Variants in SIN3A observed in about 807,000 individuals in gnomAD.
The protein encoded by SIN3A is SIN3 transcription regulator family member A, also known as paired amphipathic helix protein Sin3a.
A neutral mutation model predicts 146.1 loss-of-function variants in SIN3A; 14 were observed. That is an observed-to-expected ratio of 0.10 (90% CI 0.06 to 0.15). The LOEUF is 0.15. SIN3A is among the 10% of genes least tolerant of loss of function. The pLI is 1.00. For synonymous variants in SIN3A, 572 were observed against 572.0 expected (o/e 1.00, Z 0.00); for missense variants, 1,028 against 1,576.0 (o/e 0.65, Z 5.89).
chr15:75,438,388 A>C (rs1035137332), intron 1 of SIN3A, among the ~76,000 whole-genome samples: 2 of 151,958 alleles, frequency 1.3e-5, no homozygotes, highest in African/African-American at 4.8e-5. Flanking sequence ...CAAACAAAAA[A>C]AAAACGGGTG....
At chr15:75,430,023 T>G (rs1324937771) in intron 2 of SIN3A, 164 bp downstream of exon 2, 1 of 613,972 alleles carries the variant, frequency 1.6e-6, no homozygotes, top group African/African-American at 1.9e-5. Context: ...GACAACATTC[T>G]TTTTTTAAAA....
At chr15:75,429,214 A>G (rs189696667) in intron 2 of SIN3A, among the ~76,000 whole-genome samples, 1 of 152,150 alleles carries the variant, frequency 6.6e-6, no homozygotes, top group Admixed American at 6.5e-5. Flanking sequence ...TTGGGCCAAG[A>G]GTTTAGGACC....
Position 75,414,245 on chromosome 15 carries a change from TG to T in SIN3A, c.432del (p.Tyr144Ter). The T allele has an allele frequency of 6.4e-7, 1 of 1,551,742 alleles. No individual in the cohort carries two copies. The highest frequency in any genetic ancestry group is 8.8e-7 in the Non-Finnish European group (1 of 1,140,692). ...KLQFGSQPQVYNDFLDIMKEF... is the reference protein window; with the variant it reads ...KLQFGSQPQVXNDFLDIMKEF... ...TCCTTCATGATGTCAAGGAAATCAT[TG>T]TAGACCTGAGGCTGACTACCAAACT... is the stretch of plus-strand genomic sequence containing the variant. On this transcript the variant is annotated frameshift_variant, in exon 4 of 21. Transcript: ENST00000394947. LOFTEE classifies it high-confidence loss of function.
rs1329732839 is a variant in SIN3A, at chr15:75,370,170, C to G, written c.*1809G>C. The G allele has an allele frequency of 2.6e-5, 4 of 152,416 alleles. No homozygotes were observed. Among genetic ancestry groups the G allele is most frequent in the Non-Finnish European group, 5.9e-5 (4 of 68,080 alleles). 9.4% of individuals were successfully genotyped at this position (152,416 alleles called of 1,614,324 possible). ...GGAGGACTGCTTGAGCCTGGGAGGT[C>G]AAGCCTGCAGTGAGCTATGATCGTG... On this transcript the variant is annotated 3_prime_UTR_variant, in exon 21 of 21. Transcript: ENST00000394947.
At chr15:75,376,216 A>G (rs879755313) in intron 19 of SIN3A, 1 of 291,602 alleles carries the variant, frequency 3.4e-6, no homozygotes, top group South Asian at 4.7e-5. Flanking sequence ...GGATCATACT[A>G]TATATTTTGT....
At chr15:75,390,906 A>G (rs1294678208) in intron 15 of SIN3A, among the ~76,000 whole-genome samples, 2 of 152,234 alleles carry the variant, frequency 1.3e-5, no homozygotes, top group Non-Finnish European at 2.9e-5. Flanking sequence ...AAAGTTGACT[A>G]AAATGAAAAA....
intron 1 of SIN3A, among the ~76,000 whole-genome samples, chr15:75,434,303 T>C (rs1272963340): frequency 3.9e-5 from 6 of 152,228 alleles, no homozygotes; most frequent in Admixed American, 3.3e-4. Context: ...AGTTGGTAGA[T>C]GATTTCAGCC....
Position 75,371,658 on chromosome 15 carries a change from G to A in SIN3A, c.*321C>T. ...TCCCTCATTGAAAGTTAGGCCACAG[G>A]AGACTCCAGTCTTAGCTCTGCTGGT... On this transcript the variant is annotated 3_prime_UTR_variant, in exon 21 of 21. Transcript: ENST00000394947. 3.4e-6 allele frequency: 1 copy of A among 297,200 alleles called. No individual in the cohort carries two copies. The highest frequency in any genetic ancestry group is 4.8e-5 in the Admixed American group (1 of 20,642). The allele number at this position is 297,200 out of a possible 1,614,324, so 18.4% of individuals were successfully genotyped here.
At chr15:75,432,743 A>C (rs1416575166) in intron 1 of SIN3A, among the ~76,000 whole-genome samples, 1 of 150,686 alleles carries the variant, frequency 6.6e-6, no homozygotes, top group African/African-American at 2.4e-5. Context: ...ACTGGGTTTA[A>C]AAAACAAAAA....
chr15:75,401,044 G>A, intron 10 of SIN3A, 104 bp from the exon 11 acceptor site: 1 of 758,620 alleles, frequency 1.3e-6, no homozygotes, highest in Middle Eastern at 3.7e-4. Flanking sequence ...CTGCTACCAG[G>A]GATGAATTAT....
At chr15:75,378,961 T>G (rs1191440550) in intron 19 of SIN3A, among the ~76,000 whole-genome samples, 1 of 151,740 alleles carries the variant, frequency 6.6e-6, no homozygotes, top group African/African-American at 2.4e-5. Flanking sequence ...AGTGCCGTGG[T>G]GCGATCTCCA....
At chr15:75,430,143 A>G in intron 2 of SIN3A, 44 bp downstream of exon 2, 1 of 1,507,494 alleles carries the variant, frequency 6.6e-7, no homozygotes, top group Non-Finnish European at 9.2e-7. Flanking sequence ...TAAAACCACT[A>G]TTTCTCTTCC....
At chr15:75,384,102 G>C (rs1844944735) in intron 17 of SIN3A, 162 bp downstream of exon 17, 1 of 461,072 alleles carries the variant, frequency 2.2e-6, no homozygotes. Flanking sequence ...AGATTGTCCA[G>C]GAAGACAATT....
intron 1 of SIN3A, among the ~76,000 whole-genome samples, chr15:75,434,156 T>C (rs1262330716): frequency 2.0e-5 from 3 of 152,206 alleles, no homozygotes; most frequent in Non-Finnish European, 4.4e-5. Flanking sequence ...AAGGCACACA[T>C]GCAGGGAGCA....
intron 1 of SIN3A, chr15:75,446,148 A>G (rs1174776410): frequency 6.6e-6 from 1 of 152,122 alleles, no homozygotes; most frequent in African/African-American, 2.4e-5. Flanking sequence ...TAATATTTAG[A>G]ATAGTAGGCA....
intron 17 of SIN3A, 193 bp downstream of exon 17, chr15:75,384,071 A>T (rs531654553): frequency 1.7e-4 from 66 of 377,222 alleles, no homozygotes; most frequent in African/African-American, 1.3e-3. Context: ...TTTTTCTTTA[A>T]AGGCAGGAAA....
At chr15:75,400,478 T>G (rs1402896050) in intron 11 of SIN3A, among the ~76,000 whole-genome samples, 3 of 152,082 alleles carry the variant, frequency 2.0e-5, no homozygotes, top group African/African-American at 4.8e-5. Context: ...TCCCAGGTAC[T>G]TGGGAGGATC....
intron 3 of SIN3A, chr15:75,421,669 A>C (rs1263724896): frequency 2.6e-5 from 4 of 152,248 alleles, no homozygotes; most frequent in African/African-American, 9.6e-5. Context: ...AAGCAACATA[A>C]GTAGGTTGCA....
rs368269677 is a variant in SIN3A, at chr15:75,372,007, T to C, written c.3794A>G (p.Lys1265Arg). ...HFVSINKYRV[K>R]YGTVFKAP ...AGGGGCTTTGAATACTGTGCCGTATTTGACACGATACTTGTTAATGCTCAC... is the reference window on the plus strand; with the variant it reads ...AGGGGCTTTGAATACTGTGCCGTATCTGACACGATACTTGTTAATGCTCAC... The change falls in exon 21 of 21, where the codon AAA (lysine) becomes AGA (arginine). Residue 1265 changes from lysine to arginine, a missense_variant. By Grantham distance (26) the Lys-to-Arg change is conservative (BLOSUM62 2). Coordinates refer to ENST00000394947, the MANE Select transcript of SIN3A (RefSeq NM_001145358.2). The C allele has an allele frequency of 2.4e-5, 38 of 1,614,094 alleles. No homozygotes were observed. The highest frequency in any genetic ancestry group is 3.1e-5 in the Non-Finnish European group (37 of 1,180,046).
Sources: allele counts gnomAD v4.1 joint callset (sites outside exome capture counted in the v4.1 genomes callset), GRCh38; gene constraint gnomAD v4.1.1; transcripts MANE v1.5; gene names NCBI Gene and HGNC (gene_info 2026-07-23, HGNC 2026-07-21).